The following TOR1AIP1 variants were observed in gnomAD, a reference collection of about 807,000 sequenced individuals.
TOR1AIP1 encodes torsin-1A-interacting protein 1.
TOR1AIP1 carries 54 observed loss-of-function variants against 63.3 expected under a neutral mutation model. That is an observed-to-expected ratio of 0.85 (90% confidence interval 0.69 to 1.07). The LOEUF is 1.07. Ranked by LOEUF, TOR1AIP1 falls within the 50% of genes least tolerant of loss-of-function variation. TOR1AIP1 has a pLI of 0.00. For synonymous variants in TOR1AIP1, 294 were observed against 273.5 expected (o/e 1.07, Z -0.74); for missense variants, 736 against 715.0 (o/e 1.03, Z -0.33).
chr1:179,892,436 G>T (rs1225489566), intron 3 of TOR1AIP1, among the ~76,000 whole-genome samples: 2 of 151,798 alleles, frequency 1.3e-5, no homozygotes, highest in African/African-American at 4.8e-5. Flanking sequence ...TCACGCCATT[G>T]CACTCCAGCC....
chr1:179,905,154 A>G (rs1395953547), intron 6 of TOR1AIP1, among the ~76,000 whole-genome samples: 1 of 152,158 alleles, frequency 6.6e-6, no homozygotes, highest in Non-Finnish European at 1.5e-5. Context: ...AGGCAGGCGG[A>G]TCACTAGGTC....
rs561816881 is a variant in TOR1AIP1 at position 179,914,059 on chromosome 1, G to A, written c.964+5G>A. On this transcript the variant is annotated splice_donor_5th_base_variant and intron_variant, in intron 9 of 9. Coordinates refer to ENST00000606911, the MANE Select transcript of TOR1AIP1 (RefSeq NM_015602.4). ...CACCATCAACCTCCAGCCGACGTAAGTTTATGTATTCAGTTTTTATTAAAT... is the reference window on the plus strand; with the variant it reads ...CACCATCAACCTCCAGCCGACGTAAATTTATGTATTCAGTTTTTATTAAAT... 180 of 1,612,190 alleles carry A rather than the reference G, an allele frequency of 1.1e-4. 1 individual carries two copies. In the South Asian group the frequency reaches 1.9e-3, roughly 17 times the overall value.
chr1:179,883,137 C>A (rs911689703), intron 1 of TOR1AIP1, 160 bp downstream of exon 1: 3 of 685,758 alleles, frequency 4.4e-6, no homozygotes, highest in African/African-American at 1.8e-5. Flanking sequence ...GTGCAAGGGC[C>A]ACCCTGACCC....
chr1:179,914,101 T>C (rs767840698), intron 9 of TOR1AIP1, 47 bp downstream of exon 9: 2 of 1,536,270 alleles, frequency 1.3e-6, no homozygotes, highest in South Asian at 2.3e-5. Context: ...GTAAAATTGG[T>C]ATTCCATAAT....
Position 179,882,416 on chromosome 1 carries a change from C to T in TOR1AIP1, c.-87C>T. The T allele has an allele frequency of 1.5e-6, 2 of 1,307,172 alleles. No individual in the cohort carries two copies. The highest frequency in any genetic ancestry group is 2.0e-6 in the Non-Finnish European group (2 of 1,004,730). The allele number at this position is 1,307,172 out of a possible 1,614,324, so 81.0% of individuals were successfully genotyped here. On this transcript the variant is annotated 5_prime_UTR_variant, in exon 1 of 10. Coordinates refer to ENST00000606911, the MANE Select transcript of TOR1AIP1 (RefSeq NM_015602.4). ...TGACCACAGCGGCCACCGCCCAACACCCCCGAGAAGCCATCGCCACCACCG... is the reference window on the plus strand; with the variant it reads ...TGACCACAGCGGCCACCGCCCAACATCCCCGAGAAGCCATCGCCACCACCG...
In TOR1AIP1 at chr1:179,917,435, CT is replaced by C. The variant is rs1558048246; in HGVS notation, c.965-11del. 1.3e-6 allele frequency: 2 copies of C among 1,585,938 alleles called. No homozygotes were observed. Among genetic ancestry groups the C allele is most frequent in the Non-Finnish European group, 1.7e-6 (2 of 1,169,408 alleles). On this transcript the variant is annotated splice_polypyrimidine_tract_variant and intron_variant, in intron 9 of 9. Transcript: ENST00000606911. ...AAAGTGGTATTTATATCTGTCATTT[CT>C]TTTTTGTCTGAGTAGAAGTGACTGG...
intron 4 of TOR1AIP1, among the ~76,000 whole-genome samples, chr1:179,900,726 G>T (rs1367762679): frequency 6.6e-6 from 1 of 152,132 alleles, no homozygotes; most frequent in Non-Finnish European, 1.5e-5. Flanking sequence ...GTCTATTTGG[G>T]TTCATTTTAA....
intron 6 of TOR1AIP1, among the ~76,000 whole-genome samples, chr1:179,904,292 G>A (rs1648559524): frequency 6.6e-6 from 1 of 152,176 alleles, no homozygotes; most frequent in African/African-American, 2.4e-5. Flanking sequence ...AGTATAAATG[G>A]GTTGATTGCT....
chr1:179,918,167 C>T lies in TOR1AIP1; in HGVS notation c.1680C>T (p.Leu560=), dbSNP rs991272657. 2 of 1,612,682 alleles carry T rather than the reference C, an allele frequency of 1.2e-6. No homozygotes were observed. The highest frequency in any genetic ancestry group is 1.7e-6 in the Non-Finnish European group (2 of 1,180,012). Residue 560 remains leucine (L), a synonymous_variant, in exon 10 of 10, where the codon CTC becomes CTT. Transcript: ENST00000606911. ...TGGACCCAGACAAACTGAATGGCCTCTGGAGCCGTATTTCTCACTTAGTTC... is the reference window on the plus strand; with the variant it reads ...TGGACCCAGACAAACTGAATGGCCTTTGGAGCCGTATTTCTCACTTAGTTC... ...NHMDPDKLNG[L]WSRISHLVLP... is the part of the protein sequence containing the mutation.
At chr1:179,910,859 C>A (rs1648811641) in intron 8 of TOR1AIP1, among the ~76,000 whole-genome samples, 1 of 152,124 alleles carries the variant, frequency 6.6e-6, no homozygotes, top group Non-Finnish European at 1.5e-5. Flanking sequence ...ATCAGAAAAT[C>A]TTTGCATAAT....
intron 3 of TOR1AIP1, among the ~76,000 whole-genome samples, chr1:179,896,557 T>A (rs549609357): frequency 6.6e-6 from 1 of 152,066 alleles, no homozygotes; most frequent in African/African-American, 2.4e-5. Context: ...TTTTTTTTTT[T>A]AAGTGCTGAA....
At chr1:179,914,370 T>C (rs751624359) in intron 9 of TOR1AIP1, among the ~76,000 whole-genome samples, 5 of 152,240 alleles carry the variant, frequency 3.3e-5, no homozygotes, top group Admixed American at 6.5e-5. Context: ...AGCATGACTT[T>C]ATGGGATTAC....
chr1:179,894,259 A>G (rs1648195830), intron 3 of TOR1AIP1, among the ~76,000 whole-genome samples: 1 of 152,060 alleles, frequency 6.6e-6, no homozygotes, highest in South Asian at 2.1e-4. Flanking sequence ...TCAAAAAAAA[A>G]AAAAAAAGAA....
Position 179,882,416 on chromosome 1 carries a change from C to A in TOR1AIP1, c.-87C>A. ...TGACCACAGCGGCCACCGCCCAACA[C>A]CCCCGAGAAGCCATCGCCACCACCG... On this transcript the variant is annotated 5_prime_UTR_variant, in exon 1 of 10. Transcript: ENST00000606911. The A allele has an allele frequency of 4.6e-6, 6 of 1,307,170 alleles. No homozygotes were observed. The highest frequency in any genetic ancestry group is 2.7e-4 in the Middle Eastern group (1 of 3,710). The allele number at this position is 1,307,170 out of a possible 1,614,324, so 81.0% of individuals were successfully genotyped here.
At chr1:179,910,973 A>G (rs1477667246) in intron 8 of TOR1AIP1, among the ~76,000 whole-genome samples, 1 of 152,196 alleles carries the variant, frequency 6.6e-6, no homozygotes, top group East Asian at 1.9e-4. Context: ...ATTGATAGCT[A>G]ATTTTTAGTA....
At position 179,918,306 on chromosome 1, in the gene TOR1AIP1, A is replaced by T; in HGVS notation, c.*67A>T. Reference sequence around the variant, plus strand: ...TTGTTCACACTTTCTAACCAGAGACAGAATTCAGAGCTCTTTTTGAAAGAA... The same window carrying T: ...TTGTTCACACTTTCTAACCAGAGACTGAATTCAGAGCTCTTTTTGAAAGAA... On this transcript the variant is annotated 3_prime_UTR_variant, in exon 10 of 10. Transcript: ENST00000606911. 1 of 1,443,000 alleles carries T rather than the reference A, an allele frequency of 6.9e-7. No individual in the cohort carries two copies. The highest frequency in any genetic ancestry group is 1.8e-4 in the Middle Eastern group (1 of 5,538). The allele number at this position is 1,443,000 out of a possible 1,614,324, so 89.4% of individuals were successfully genotyped here. A position where few individuals can be genotyped will look rare whatever the true frequency, so the allele number is the denominator to read the frequency against.
chr1:179,907,992 T>C (rs1364543252), intron 7 of TOR1AIP1, 128 bp downstream of exon 7: 4 of 575,008 alleles, frequency 7.0e-6, no homozygotes, highest in Non-Finnish European at 1.1e-5. Context: ...CATTGCAAGC[T>C]CCACCTCCTG....
At chr1:179,899,348 C>G (rs140539260) in intron 3 of TOR1AIP1, among the ~76,000 whole-genome samples, 31 of 151,074 alleles carry the variant, frequency 2.1e-4, no homozygotes, top group Non-Finnish European at 3.5e-4. Flanking sequence ...TATTTTTGTT[C>G]AAATTCTCTT....
chr1:179,889,841 TG>T (rs1648015185), intron 3 of TOR1AIP1, among the ~76,000 whole-genome samples: 1 of 152,038 alleles, frequency 6.6e-6, no homozygotes, highest in Non-Finnish European at 1.5e-5. Flanking sequence ...TTTGTAGAGA[TG>T]GGGTTTTGCC....
Sources: allele counts gnomAD v4.1 joint callset (sites outside exome capture counted in the v4.1 genomes callset), GRCh38; gene constraint gnomAD v4.1.1; transcripts MANE v1.5; gene names NCBI Gene and HGNC (gene_info 2026-07-23, HGNC 2026-07-21).